Variants in SV2C observed in about 807,000 individuals in gnomAD.
SV2C encodes the protein synaptic vesicle glycoprotein 2C, also known as solute carrier family 22 member B3.
A neutral mutation model predicts 79.7 loss-of-function variants in SV2C; 49 were observed. The ratio of observed to expected loss-of-function variants is 0.61; its 90% CI spans 0.49 to 0.78. The LOEUF (loss-of-function observed/expected upper bound fraction) is 0.78, where lower values mean the gene tolerates loss of function less well. Ranked by LOEUF, SV2C falls within the 30% of genes least tolerant of loss-of-function variation. The pLI is 0.00. For missense variants in SV2C, 833 were observed against 912.9 expected (o/e 0.91, Z 1.13); for synonymous variants, 334 against 333.2 (o/e 1.00, Z -0.03).
chr5:75,927,853 A>T, the SV2C span, among the ~76,000 whole-genome samples: 812 of 152,296 alleles, frequency 5.3e-3, 9 homozygotes, highest in African/African-American at 0.018. Context: ...GCTAAAAAAA[A>T]TTTCAAAAGA....
the SV2C span, among the ~76,000 whole-genome samples, chr5:75,896,785 T>C: frequency 5.4e-5 from 8 of 149,150 alleles, no homozygotes; most frequent in African/African-American, 7.8e-5. Context: ...TGGTATCTCA[T>C]TGTGGTTTTG....
Position 76,213,379 on chromosome 5 carries a change from T to G in SV2C, c.913+3492T>G, listed in dbSNP as rs577304423. ...TTCTATATCTTGAGCTGGGTGGAGGTTTTTAATGAATTTTTGAATTGTAAA... is the reference window on the plus strand; with the variant it reads ...TTCTATATCTTGAGCTGGGTGGAGGGTTTTAATGAATTTTTGAATTGTAAA... On this transcript the variant is annotated intron_variant, in intron 4 of 12. Coordinates refer to ENST00000502798, the MANE Select transcript of SV2C (RefSeq NM_014979.4). Among the ~76,000 whole-genome samples the G allele has an allele frequency of 1.2e-4, 18 of 152,020 alleles. No homozygotes were observed. In the South Asian group the frequency reaches 3.7e-3, roughly 32 times the overall value.
At chr5:76,295,232 T>C (rs1192992642) in intron 8 of SV2C, among the ~76,000 whole-genome samples, 1 of 152,190 alleles carries the variant, frequency 6.6e-6, no homozygotes, top group Admixed American at 6.5e-5. Context: ...CAGTCTCTGC[T>C]TCCAAGATGG....
At chr5:76,160,108 A>G (rs1258389782) in intron 2 of SV2C, among the ~76,000 whole-genome samples, 2 of 152,134 alleles carry the variant, frequency 1.3e-5, no homozygotes, top group African/African-American at 4.8e-5. Context: ...TTGGAAGACA[A>G]GGTTAGGGTG....
At chr5:76,089,254 G>A (rs1338298182) in intron 1 of SV2C, among the ~76,000 whole-genome samples, 1 of 151,976 alleles carries the variant, frequency 6.6e-6, no homozygotes. Flanking sequence ...GTTCAGCTCC[G>A]ACTTATAAGT....
intron 4 of SV2C, among the ~76,000 whole-genome samples, chr5:76,227,067 T>G (rs999532847): frequency 6.6e-6 from 1 of 152,112 alleles, no homozygotes; most frequent in African/African-American, 2.4e-5. Context: ...CCGGGAGGGA[T>G]GGAAAGACAC....
intron 6 of SV2C, among the ~76,000 whole-genome samples, chr5:76,290,786 C>T (rs1747536210): frequency 6.6e-6 from 1 of 152,162 alleles, no homozygotes; most frequent in Non-Finnish European, 1.5e-5. Context: ...GATGGGAATG[C>T]TTTCAGAACT....
At chr5:76,146,797 TA>T (rs34569063) in intron 2 of SV2C, among the ~76,000 whole-genome samples, 1,475 of 39,302 alleles carry the variant, frequency 0.038, 18 homozygotes, top group African/African-American at 0.11. Flanking sequence ...AGTTTTTTTT[TA>T]AAAAAAAAAA....
chr5:76,036,891 G>A, the SV2C span, among the ~76,000 whole-genome samples: 2 of 152,294 alleles, frequency 1.3e-5, no homozygotes, highest in Non-Finnish European at 2.9e-5. Flanking sequence ...CCAATCAGAC[G>A]TAGATTTGGT....
intron 6 of SV2C, among the ~76,000 whole-genome samples, chr5:76,288,379 A>G (rs1747423221): frequency 6.6e-6 from 1 of 152,244 alleles, no homozygotes. Context: ...TCTCTGCAGT[A>G]TAATGGAGAA....
chr5:75,867,084 G>A, the SV2C span, among the ~76,000 whole-genome samples: 1 of 152,172 alleles, frequency 6.6e-6, no homozygotes. Context: ...TAGGCCGAGA[G>A]AGAACCTAAG....
At chr5:76,073,528 T>TAC in the SV2C span, among the ~76,000 whole-genome samples, 1 of 125,342 alleles carries the variant, frequency 8.0e-6, no homozygotes, top group Admixed American at 7.6e-5. Context: ...TATATATATA[T>TAC]ATATATATAT....
At chr5:76,219,643 C>G (rs1212532687) in intron 4 of SV2C, among the ~76,000 whole-genome samples, 4 of 152,174 alleles carry the variant, frequency 2.6e-5, no homozygotes, top group Admixed American at 6.5e-5. Context: ...TAATATGGAG[C>G]CTGTAGGGAA....
the SV2C span, among the ~76,000 whole-genome samples, chr5:75,986,146 C>T: frequency 2.0e-5 from 3 of 149,292 alleles, no homozygotes; most frequent in Admixed American, 6.7e-5. Flanking sequence ...TATTAGTTTG[C>T]AAAGACATCC....
chr5:76,052,966 A>G, the SV2C span, among the ~76,000 whole-genome samples: 2 of 151,866 alleles, frequency 1.3e-5, no homozygotes, highest in Non-Finnish European at 2.9e-5. Flanking sequence ...AAAACATTAT[A>G]ACAAAATTTC....
the SV2C span, among the ~76,000 whole-genome samples, chr5:76,041,457 ACAGAG>A: frequency 6.6e-6 from 1 of 152,144 alleles, no homozygotes; most frequent in African/African-American, 2.4e-5. Flanking sequence ...CTGGGGATGC[ACAGAG>A]CAGAGCAGAG....
intron 12 of SV2C, among the ~76,000 whole-genome samples, chr5:76,317,319 T>C (rs1253246180): frequency 1.3e-5 from 2 of 152,206 alleles, no homozygotes; most frequent in African/African-American, 4.8e-5. Context: ...CCTATACTTT[T>C]CAAAATGCCC....
chr5:76,260,499 A>G (rs148914691), intron 4 of SV2C, among the ~76,000 whole-genome samples: 147 of 152,296 alleles, frequency 9.7e-4, no homozygotes, highest in African/African-American at 3.2e-3. Context: ...TTGGTGCTTT[A>G]GTCATGAAGT....
At chr5:76,296,579 C>A (rs1204999535) in intron 9 of SV2C, among the ~76,000 whole-genome samples, 1 of 152,110 alleles carries the variant, frequency 6.6e-6, no homozygotes, top group Non-Finnish European at 1.5e-5. Context: ...AAAGAGTAGA[C>A]CAAGTACTTG....
Sources: allele counts gnomAD v4.1 joint callset (sites outside exome capture counted in the v4.1 genomes callset), GRCh38; gene constraint gnomAD v4.1.1; transcripts MANE v1.5; gene names NCBI Gene and HGNC (gene_info 2026-07-23, HGNC 2026-07-21).